MDGA1: variants seen among roughly 807,000 people sequenced by gnomAD.
The protein encoded by MDGA1 is MAM domain-containing glycosylphosphatidylinositol anchor protein 1.
In MDGA1, 54 loss-of-function variants were observed where a neutral mutation model predicts 101.5. That is an observed-to-expected ratio of 0.53 (90% CI 0.43 to 0.67). The LOEUF is 0.67. MDGA1 is among the 30% of genes least tolerant of loss of function. The probability of loss-of-function intolerance (pLI) is 0.00; values close to 1 mark genes in which losing one functional copy is unlikely to be tolerated. For missense variants in MDGA1, 1,083 were observed against 1,323.8 expected (o/e 0.82, Z 2.82); for synonymous variants, 533 against 558.3 (o/e 0.95, Z 0.64).
intron 1 of MDGA1, among the ~76,000 whole-genome samples, chr6:37,682,301 A>G (rs1456525209): frequency 1.3e-5 from 2 of 152,206 alleles, no homozygotes; most frequent in Admixed American, 6.5e-5. Flanking sequence ...CCTGGCCAAC[A>G]TAGCGAAACC....
At chr6:37,654,246 C>T (rs1313329599) in intron 6 of MDGA1, 28 bp downstream of exon 6, 1 of 1,513,666 alleles carries the variant, frequency 6.6e-7, no homozygotes, top group South Asian at 1.3e-5. Flanking sequence ...CTCACAACTT[C>T]CCTCCCACCC....
At chr6:37,672,297 A>T (rs573575346) in intron 1 of MDGA1, among the ~76,000 whole-genome samples, 254 of 151,270 alleles carry the variant, frequency 1.7e-3, no homozygotes, top group African/African-American at 5.6e-3. Flanking sequence ...AAAAAAAAAA[A>T]TTTTAATGAG....
chr6:37,656,559 G>T, intron 3 of MDGA1, among the ~76,000 whole-genome samples: 1 of 152,022 alleles, frequency 6.6e-6, no homozygotes, highest in East Asian at 1.9e-4. Context: ...TTTTTGTACA[G>T]ACAGGGTTTC....
chr6:37,638,374 G>A lies in MDGA1; in HGVS notation c.2668-61C>T, dbSNP rs1427087680. ...AGGAGGTTCTGCTGGGTACCAGAGTGCTCCCTCGACCCCACCTTTCCCCTT... is the reference window on the plus strand; with the variant it reads ...AGGAGGTTCTGCTGGGTACCAGAGTACTCCCTCGACCCCACCTTTCCCCTT... On this transcript the variant is annotated intron_variant, in intron 15 of 16. Transcript: ENST00000434837. This position sits in a 1 kb window ranked among gnomAD's most constrained non-coding sequence, Gnocchi z 4.8. 4 of 1,509,946 alleles carry A rather than the reference G, an allele frequency of 2.6e-6. No individual in the cohort carries two copies. In the East Asian group the frequency reaches 9.1e-5, roughly 34 times the overall value. 93.5% of individuals were successfully genotyped at this position (1,509,946 alleles called of 1,614,324 possible).
At position 37,654,531 on chromosome 6, in the gene MDGA1, A is replaced by G. The variant is rs1346287534; in HGVS notation, c.725T>C (p.Leu242Pro). 6.2e-7 allele frequency: 1 copy of G among 1,613,966 alleles called. No homozygotes were observed. Residue 242 changes from leucine to proline, a missense_variant, in exon 6 of 17, where the codon CTG becomes CCG. Leu to Pro is a moderately conservative substitution (Grantham distance 98). Coordinates refer to ENST00000434837, the MANE Select transcript of MDGA1 (RefSeq NM_153487.4). ...CAGAGTTTCGTTCACAGACAGCTTC[A>G]GGGCTGGTGGTGCTAAGAGGACAAG... is the stretch of plus-strand genomic sequence containing the variant. ...RLTNTTAPPALKLSVNETLVV... is the reference protein window; with the variant it reads ...RLTNTTAPPAPKLSVNETLVV...
chr6:37,691,964 C>A (rs1180011330), intron 1 of MDGA1, among the ~76,000 whole-genome samples: 1 of 152,236 alleles, frequency 6.6e-6, no homozygotes, highest in Non-Finnish European at 1.5e-5. Flanking sequence ...CTAGGGAAAA[C>A]CTGATTCATC....
At chr6:37,637,518 G>A in intron 16 of MDGA1, 59 bp from the exon 17 acceptor site, 1 of 1,476,126 alleles carries the variant, frequency 6.8e-7, no homozygotes, top group Non-Finnish European at 9.4e-7. Context: ...GGCAGGGGCA[G>A]GAAGTGGCAG....
chr6:37,650,326 C>G lies in MDGA1; in HGVS notation c.1392G>C (p.Glu464Asp), dbSNP rs751110984. 14 of 1,587,726 alleles carry G rather than the reference C, an allele frequency of 8.8e-6. No individual in the cohort carries two copies. In the South Asian group the frequency reaches 1.5e-4, roughly 17 times the overall value. The part of the protein sequence containing the change: ...REGSPAELQC[E>D]VRGKPRPPVL... ...CTGGCGGCCGCGGCTTGCCCCGCACCTCGCATTGCAGCTCGGCAGGCGATC... is the reference window on the plus strand; with the variant it reads ...CTGGCGGCCGCGGCTTGCCCCGCACGTCGCATTGCAGCTCGGCAGGCGATC... The change falls in exon 8 of 17, where the codon GAG (glutamate) becomes GAC (aspartate). Residue 464 changes from glutamate (E) to aspartate (D), a missense_variant. Around this residue, in one of 3 missense-constraint regions of MDGA1, gnomAD observed 657 missense variants for 771.4 expected, o/e 0.85. Transcript: ENST00000434837.
rs1761465427 is a variant in MDGA1 at position 37,655,633 on chromosome 6, C to T, written c.579+67G>A. The T allele has an allele frequency of 7.6e-7, 1 of 1,307,836 alleles. No homozygotes were observed. The highest frequency in any genetic ancestry group is 2.5e-5 in the East Asian group (1 of 40,460). 81.0% of individuals were successfully genotyped at this position (1,307,836 alleles called of 1,614,324 possible). A position where few individuals can be genotyped will look rare whatever the true frequency, so the allele number is the denominator to read the frequency against. On this transcript the variant is annotated intron_variant, in intron 4 of 16. Transcript: ENST00000434837. This position sits in a 1 kb window ranked among gnomAD's most constrained non-coding sequence, Gnocchi z 5.1. ...GTCAAGGCAGTCCCAAAAACTCAGC[C>T]CCATGCCCCCCTCCCCTGTTGGATG...
intron 14 of MDGA1, chr6:37,639,900 C>T (rs904487770): frequency 6.6e-6 from 1 of 152,176 alleles, no homozygotes; most frequent in Admixed American, 6.5e-5. Context: ...GTCCTTCCAA[C>T]TCTGAGATTC....
At chr6:37,642,179 C>CTTTTT (rs34171567) in intron 14 of MDGA1, among the ~76,000 whole-genome samples, 9 of 109,344 alleles carry the variant, frequency 8.2e-5, no homozygotes, top group African/African-American at 1.3e-4. Context: ...TGGTTTCTTT[C>CTTTTT]TTTTTTTTTT....
intron 1 of MDGA1, among the ~76,000 whole-genome samples, chr6:37,676,878 A>G (rs531903953): frequency 2.0e-5 from 3 of 151,738 alleles, no homozygotes; most frequent in East Asian, 3.9e-4. Flanking sequence ...GCCTGGGCAA[A>G]AAGAGCAAAA....
chr6:37,686,422 G>A (rs1051335744), intron 1 of MDGA1, among the ~76,000 whole-genome samples: 1 of 141,654 alleles, frequency 7.1e-6, no homozygotes, highest in Non-Finnish European at 1.5e-5. Flanking sequence ...GGTATGTTGT[G>A]CAACCTGGGC....
chr6:37,675,148 G>A (rs1761950699), intron 1 of MDGA1, among the ~76,000 whole-genome samples: 1 of 152,208 alleles, frequency 6.6e-6, no homozygotes, highest in African/African-American at 2.4e-5. Context: ...GTTGGGCACT[G>A]CTTGATCAGA....
rs749896607 is a variant in MDGA1 at position 37,654,219 on chromosome 6, C to A, written c.982+55G>T. On this transcript the variant is annotated intron_variant, in intron 6 of 16. Transcript: ENST00000434837. ...CTAGTTCATTGGTAGCTCCCAAAGA[C>A]CAGGGACCTTGTCTGCCTCACAACT... 78 of 1,492,034 alleles carry A rather than the reference C, an allele frequency of 5.2e-5. 1 individual carries two copies. The Middle Eastern group carries it at 5.7e-3, about 109-fold the overall frequency. The allele number at this position is 1,492,034 out of a possible 1,614,324, so 92.4% of individuals were successfully genotyped here. A position where few individuals can be genotyped will look rare whatever the true frequency, so the allele number is the denominator to read the frequency against.
rs746949305 is a variant in MDGA1, at chr6:37,652,366, T to C, written c.983-26A>G. ...CTGTGAGTGGATGGGGAGGGAAGGG[T>C]AGTTGGGGTTGGCCTGACTCCAGGG... On this transcript the variant is annotated intron_variant, in intron 6 of 16. Coordinates refer to ENST00000434837, the MANE Select transcript of MDGA1 (RefSeq NM_153487.4). The surrounding 1 kb of genome is among the most constrained non-coding windows in gnomAD (Gnocchi z 4.3). 2.1e-5 allele frequency: 32 copies of C among 1,559,692 alleles called. 1 individual carries two copies. The East Asian group carries it at 7.0e-4, about 34-fold the overall frequency.
intron 1 of MDGA1, among the ~76,000 whole-genome samples, chr6:37,673,126 C>G (rs750833749): frequency 6.6e-6 from 1 of 152,144 alleles, no homozygotes; most frequent in African/African-American, 2.4e-5. Flanking sequence ...ATAAGTTACC[C>G]AAGGACACCC....
chr6:37,664,223 C>T lies in MDGA1; in HGVS notation c.68-117G>A, dbSNP rs530754600. 3.6e-5 allele frequency: 47 copies of T among 1,300,836 alleles called. No homozygotes were observed. The South Asian group carries it at 6.0e-4, about 17-fold the overall frequency. 80.6% of individuals were successfully genotyped at this position (1,300,836 alleles called of 1,614,324 possible). A position where few individuals can be genotyped will look rare whatever the true frequency, so the allele number is the denominator to read the frequency against. On this transcript the variant is annotated intron_variant, in intron 1 of 16. Coordinates refer to ENST00000434837, the MANE Select transcript of MDGA1 (RefSeq NM_153487.4). ...TCAGCCCAGATCTCCCCAGGCCATTCCTCAGAGGCCTGACCCCACTGAGCC... is the reference window on the plus strand; with the variant it reads ...TCAGCCCAGATCTCCCCAGGCCATTTCTCAGAGGCCTGACCCCACTGAGCC...
intron 1 of MDGA1, among the ~76,000 whole-genome samples, chr6:37,686,432 C>CTT (rs35643390): frequency 0.42 from 59,727 of 142,808 alleles, 12,739 homozygotes; most frequent in African/African-American, 0.52. Context: ...GCAACCTGGG[C>CTT]TTTTTTTTTT....
Sources: gnomAD v4.1 joint callset for allele counts (sites outside exome capture counted in the v4.1 genomes callset) on GRCh38, gnomAD v4.1.1 for gene constraint, gnomAD v4.1.1 regional missense constraint, Gnocchi (gnomAD v3.1) non-coding constraint, MANE v1.5 for transcripts, NCBI Gene and HGNC (gene_info 2026-07-23, HGNC 2026-07-21) for gene names.